Variants in RARB observed in about 807,000 individuals in gnomAD.
RARB encodes the protein HBV-activated protein.
In RARB, 17 loss-of-function variants were observed where a neutral mutation model predicts 51.9. The ratio of observed to expected loss-of-function variants is 0.33; its 90% CI spans 0.22 to 0.49. The LOEUF (loss-of-function observed/expected upper bound fraction) is 0.49. Among genes scored for constraint, RARB ranks in the 20% least tolerant of loss-of-function variants. The pLI, the probability that RARB is intolerant of heterozygous loss-of-function variation, is 0.99. For synonymous variants in RARB, 215 were observed against 195.4 expected (o/e 1.10, Z -0.84); for missense variants, 369 against 550.8 (o/e 0.67, Z 3.30).
intron 2 of RARB, among the ~76,000 whole-genome samples, chr3:25,001,800 A>C (rs956661953): frequency 3.9e-5 from 6 of 152,150 alleles, no homozygotes; most frequent in Non-Finnish European, 7.4e-5. Context: ...TGATCATGGA[A>C]ATGTGTTCAC....
intron 2 of RARB, among the ~76,000 whole-genome samples, chr3:25,056,158 C>T (rs1055991931): frequency 6.6e-6 from 1 of 152,038 alleles, no homozygotes; most frequent in Non-Finnish European, 1.5e-5. Flanking sequence ...ACAGGCTGGT[C>T]AAAGAGAATC....
intron 2 of RARB, among the ~76,000 whole-genome samples, chr3:25,486,441 TA>T (rs1220577242): frequency 6.6e-6 from 1 of 152,196 alleles, no homozygotes; most frequent in Admixed American, 6.5e-5. Context: ...TAAGCCACCC[TA>T]CAGCCCTGGC....
intron 5 of RARB, among the ~76,000 whole-genome samples, chr3:25,284,711 A>G (rs935951818): frequency 1.9e-4 from 29 of 152,322 alleles, no homozygotes; most frequent in African/African-American, 7.0e-4. Context: ...CATTTAAATA[A>G]CAATTGCAGT....
In RARB at chr3:25,461,261, C is replaced by T; in HGVS notation, c.226C>T (p.Arg76Ter). The T allele has an allele frequency of 6.2e-7, 1 of 1,614,092 alleles. No homozygotes were observed. Among genetic ancestry groups the T allele is most frequent in the Non-Finnish European group, 8.5e-7 (1 of 1,179,998 alleles). Residue 76 changes from arginine to a stop codon, truncating the protein, a stop_gained, in exon 2 of 8, where the codon CGA becomes TGA. Coordinates refer to ENST00000330688, the MANE Select transcript of RARB (RefSeq NM_000965.5). LOFTEE classifies it high-confidence loss of function. ...PSPPSPLPPP[R>*]VYKPCFVCQD... Reference sequence around the variant, plus strand: ...CCCCCCATCTCCACTTCCTCCCCCTCGAGTGTACAAACCCTGCTTCGTCTG... The same window carrying T: ...CCCCCCATCTCCACTTCCTCCCCCTTGAGTGTACAAACCCTGCTTCGTCTG...
chr3:25,503,794 C>T (rs376668150), intron 3 of RARB, among the ~76,000 whole-genome samples: 15 of 152,126 alleles, frequency 9.9e-5, no homozygotes, highest in Non-Finnish European at 1.2e-4. Context: ...CCACAGTATA[C>T]GCAACTGAAA....
chr3:25,459,154 A>T (rs1575423755), intron 1 of RARB, among the ~76,000 whole-genome samples: 1 of 152,220 alleles, frequency 6.6e-6, no homozygotes, highest in Non-Finnish European at 1.5e-5. Context: ...AAATAGTGAG[A>T]CAGAGTGACC....
chr3:25,309,419 G>A (rs112391609), intron 5 of RARB, among the ~76,000 whole-genome samples: 125 of 147,144 alleles, frequency 8.5e-4, no homozygotes, highest in African/African-American at 2.9e-3. Context: ...GATAACAGGC[G>A]TGAGCCACCA....
intron 5 of RARB, among the ~76,000 whole-genome samples, chr3:25,258,286 T>C (rs2125405476): frequency 6.6e-6 from 1 of 152,252 alleles, no homozygotes; most frequent in African/African-American, 2.4e-5. Flanking sequence ...GTAAACTTAT[T>C]ACACAAGTAG....
At chr3:25,312,634 A>G (rs925594277) in intron 5 of RARB, among the ~76,000 whole-genome samples, 2 of 152,238 alleles carry the variant, frequency 1.3e-5, no homozygotes, top group Admixed American at 6.5e-5. Flanking sequence ...GCAGCAGCAG[A>G]TGAGCTTGTA....
At chr3:25,152,178 A>G (rs1700297861) in intron 4 of RARB, among the ~76,000 whole-genome samples, 1 of 152,236 alleles carries the variant, frequency 6.6e-6, no homozygotes, top group African/African-American at 2.4e-5. Context: ...AAGTTTATAA[A>G]GTGAAATAGT....
chr3:25,092,151 A>C (rs1699209882), intron 3 of RARB, among the ~76,000 whole-genome samples: 1 of 152,164 alleles, frequency 6.6e-6, no homozygotes, highest in East Asian at 1.9e-4. Flanking sequence ...CGAGGCACTT[A>C]GGAGAGAGGA....
chr3:25,121,706 G>A (rs917515242), intron 3 of RARB, among the ~76,000 whole-genome samples: 10 of 152,130 alleles, frequency 6.6e-5, no homozygotes, highest in Admixed American at 6.6e-4. Flanking sequence ...CATAGGAGGT[G>A]TTTAGTAAAT....
At chr3:24,981,877 G>A (rs1211361868) in intron 2 of RARB, among the ~76,000 whole-genome samples, 1 of 152,138 alleles carries the variant, frequency 6.6e-6, no homozygotes, top group African/African-American at 2.4e-5. Flanking sequence ...CTATCTCCCT[G>A]GGAGCTGTAG....
intron 2 of RARB, among the ~76,000 whole-genome samples, chr3:24,906,602 G>A (rs1235130443): frequency 3.9e-5 from 6 of 152,062 alleles, no homozygotes; most frequent in Admixed American, 3.9e-4. Flanking sequence ...CAGCACTTTG[G>A]GAGGTTGAGG....
chr3:25,171,650 A>AAAAAAAAAAAAC (rs1700649442), intron 4 of RARB, among the ~76,000 whole-genome samples: 1 of 146,928 alleles, frequency 6.8e-6, no homozygotes. Flanking sequence ...TGGTAAAAAA[A>AAAAAAAAAAAAC]AAAAAAAAAA....
intron 5 of RARB, among the ~76,000 whole-genome samples, chr3:25,344,539 T>C (rs1403421886): frequency 1.3e-5 from 2 of 152,190 alleles, no homozygotes; most frequent in Non-Finnish European, 2.9e-5. Flanking sequence ...AAGTGCTCAG[T>C]TTGGTATTTG....
intron 5 of RARB, among the ~76,000 whole-genome samples, chr3:25,257,163 C>T (rs1702886561): frequency 2.0e-5 from 3 of 152,060 alleles, no homozygotes; most frequent in Admixed American, 2.0e-4. Context: ...CAGCATGACT[C>T]AGTAATGTGG....
At chr3:24,908,663 G>T (rs1201502578) in intron 2 of RARB, among the ~76,000 whole-genome samples, 289 of 93,390 alleles carry the variant, frequency 3.1e-3, no homozygotes, top group Middle Eastern at 6.8e-3. Context: ...AACCACAACT[G>T]TTTTTTTTTT....
intron 2 of RARB, among the ~76,000 whole-genome samples, chr3:24,934,854 C>G (rs1026768937): frequency 6.6e-6 from 1 of 151,986 alleles, no homozygotes; most frequent in African/African-American, 2.4e-5. Context: ...TGAGTGATGA[C>G]TATGATTTAT....
Sources: allele counts gnomAD v4.1 joint callset (sites outside exome capture counted in the v4.1 genomes callset), GRCh38; gene constraint gnomAD v4.1.1; transcripts MANE v1.5; gene names NCBI Gene and HGNC (gene_info 2026-07-23, HGNC 2026-07-21).